Variants in TMX4 observed in about 807,000 individuals in gnomAD.
TMX4 encodes thioredoxin-related transmembrane protein 4.
Under a neutral mutation model 33.3 loss-of-function variants are expected in TMX4, and 23 were observed. The ratio of observed to expected loss-of-function variants is 0.69; its 90% CI spans 0.50 to 0.98. The LOEUF (loss-of-function observed/expected upper bound fraction) is 0.98. TMX4 is among the 50% of genes least tolerant of loss of function. TMX4 has a pLI of 0.00. For missense variants in TMX4, 399 were observed against 448.9 expected (o/e 0.89, Z 1.01); for synonymous variants, 164 against 161.5 (o/e 1.02, Z -0.12).
At chr20:8,018,483 A>G (rs1485274404) in intron 1 of TMX4, among the ~76,000 whole-genome samples, 51 of 10,868 alleles carry the variant, frequency 4.7e-3, no homozygotes, top group East Asian at 0.021. Context: ...AGGGAGGGGG[A>G]GAGAGAGAGA....
intron 1 of TMX4, among the ~76,000 whole-genome samples, chr20:8,012,954 G>T (rs1428639593): frequency 6.6e-6 from 1 of 152,180 alleles, no homozygotes; most frequent in African/African-American, 2.4e-5. Context: ...AGATAAGCCA[G>T]CTCTGAGTCT....
intron 5 of TMX4, among the ~76,000 whole-genome samples, chr20:7,989,432 A>T (rs1253692415): frequency 6.6e-6 from 1 of 152,182 alleles, no homozygotes; most frequent in Non-Finnish European, 1.5e-5. Flanking sequence ...AACTTTCTAA[A>T]TTATTTTTAA....
intron 1 of TMX4, among the ~76,000 whole-genome samples, chr20:8,018,449 G>GGGGAGGGAGGGA (rs1235545161): frequency 1.7e-4 from 3 of 17,470 alleles, no homozygotes; most frequent in African/African-American, 7.9e-4. Flanking sequence ...AGAGAGAGAG[G>GGGGAGGGAGGGA]GGGAGGGAGG....
rs780594470 is a variant in TMX4, at chr20:7,999,834, TAACGGCGGAATATCCCA to T, written c.348_364del (p.Asp116GlufsTer44). On this transcript the variant is annotated frameshift_variant, in exon 4 of 8. Coordinates refer to ENST00000246024, the MANE Select transcript of TMX4 (RefSeq NM_021156.4). LOFTEE classifies it high-confidence loss of function. ...GTCTTCGAAGATTCCTGGGCCACGA[TAACGGCGGAATATCCCA>T]TCCTTTGCACTATAAATTATGAAAA... is the stretch of plus-strand genomic sequence containing the variant. 3 of 1,613,598 alleles carry T rather than the reference TAACGGCGGAATATCCCA, an allele frequency of 1.9e-6. No individual in the cohort carries two copies. Among genetic ancestry groups the T allele is most frequent in the Admixed American group, 1.7e-5 (1 of 59,922 alleles).
intron 1 of TMX4, among the ~76,000 whole-genome samples, chr20:8,016,415 T>G (rs999827234): frequency 2.0e-5 from 3 of 152,150 alleles, no homozygotes; most frequent in African/African-American, 7.2e-5. Flanking sequence ...TTAAAGAAAA[T>G]GTATGTAGCA....
At chr20:8,003,029 G>A (rs1002646158) in intron 2 of TMX4, among the ~76,000 whole-genome samples, 6 of 152,116 alleles carry the variant, frequency 3.9e-5, no homozygotes, top group Admixed American at 1.3e-4. Context: ...ACTTCTAAGC[G>A]CATTTTCATC....
At chr20:7,990,220 G>A (rs371474960) in intron 5 of TMX4, among the ~76,000 whole-genome samples, 5 of 151,920 alleles carry the variant, frequency 3.3e-5, no homozygotes, top group East Asian at 3.9e-4. Context: ...GCTTGAACAC[G>A]GTAGGCGGAG....
chr20:8,013,616 G>A (rs1215874403), intron 1 of TMX4, among the ~76,000 whole-genome samples: 1 of 152,108 alleles, frequency 6.6e-6, no homozygotes, highest in Non-Finnish European at 1.5e-5. Flanking sequence ...TTTTGTTGAT[G>A]GAACGAGGTT....
chr20:7,983,460 A>G (rs2050617784), intron 7 of TMX4, among the ~76,000 whole-genome samples: 1 of 152,302 alleles, frequency 6.6e-6, no homozygotes, highest in African/African-American at 2.4e-5. Flanking sequence ...AAGGACTTAG[A>G]AGAGTTACTA....
chr20:7,989,612 G>C (rs981045582), intron 5 of TMX4, among the ~76,000 whole-genome samples: 1 of 151,908 alleles, frequency 6.6e-6, no homozygotes, highest in Non-Finnish European at 1.5e-5. Flanking sequence ...GGTCTTTTAG[G>C]TCATTATTAG....
At chr20:7,999,297 G>A (rs1555039) in intron 4 of TMX4, among the ~76,000 whole-genome samples, 1,953 of 152,246 alleles carry the variant, frequency 0.013, 49 homozygotes, top group African/African-American at 0.045. Flanking sequence ...GGTATTTTGC[G>A]AGGCAGCCAA....
Position 8,009,950 on chromosome 20 carries a change from C to T in TMX4, c.292+250G>A, listed in dbSNP as rs561153854. The stretch of plus-strand genomic sequence containing the variant: ...ATTGAAGGGTAAATTATCATGATGT[C>T]GATAACTTACTTTCAAATGATTCAG... On this transcript the variant is annotated intron_variant, in intron 2 of 7. Coordinates refer to ENST00000246024, the MANE Select transcript of TMX4 (RefSeq NM_021156.4). 3.8e-4 allele frequency among the ~76,000 whole-genome samples: 57 copies of T among 149,180 alleles called. 1 individual carries two copies. The highest frequency in any genetic ancestry group is 7.0e-4 in the Non-Finnish European group (47 of 67,540).
chr20:7,982,586 C>G lies in TMX4; in HGVS notation c.715G>C (p.Glu239Gln). 1.2e-6 allele frequency: 2 copies of G among 1,613,458 alleles called. No individual in the cohort carries two copies. The highest frequency in any genetic ancestry group is 1.7e-6 in the Non-Finnish European group (2 of 1,179,976). The change falls in exon 8 of 8, where the codon GAA becomes CAA. Residue 239 changes from glutamate (E) to glutamine (Q), a missense_variant. Physicochemically the swap from Glu to Gln is conservative, Grantham distance 29 (BLOSUM62 2). Coordinates refer to ENST00000246024, the MANE Select transcript of TMX4 (RefSeq NM_021156.4). Reference sequence around the variant, plus strand: ...TCCTCCTCCGCATCCTGCAACTGTTCAGCTCTATGAGCCTCCTCTGATCTC... The same window carrying G: ...TCCTCCTCCGCATCCTGCAACTGTTGAGCTCTATGAGCCTCCTCTGATCTC... Reference protein sequence around the residue: ...NRRSEEAHRAEQLQDAEEEKD... With the variant: ...NRRSEEAHRAQQLQDAEEEKD...
chr20:7,984,908 G>T (rs1250562227), intron 6 of TMX4, among the ~76,000 whole-genome samples: 1 of 152,048 alleles, frequency 6.6e-6, no homozygotes, highest in African/African-American at 2.4e-5. Context: ...CCTTCAAGGA[G>T]TCTGGGCCAT....
intron 1 of TMX4, chr20:8,019,218 A>T: frequency 1.9e-6 from 1 of 537,376 alleles, no homozygotes; most frequent in Non-Finnish European, 3.1e-6. Flanking sequence ...CCACAGCCGC[A>T]GGTCGTTGGT....
Position 8,018,528 on chromosome 20 carries a change from G to C in TMX4, c.176+910C>G, listed in dbSNP as rs760502081. On this transcript the variant is annotated intron_variant, in intron 1 of 7. Transcript: ENST00000246024. ...AGAGAGAGAGAGAGAGAGAGAGAGAGTCTGCAAGCCCACCATGATGGTCTC... is the reference window on the plus strand; with the variant it reads ...AGAGAGAGAGAGAGAGAGAGAGAGACTCTGCAAGCCCACCATGATGGTCTC... Among the ~76,000 whole-genome samples the C allele has an allele frequency of 2.1e-4, 9 of 41,984 alleles. 2 individuals carry two copies. The African/African-American group carries it at 2.3e-3, about 11-fold the overall frequency. 27.5% of individuals were successfully genotyped at this position (41,984 alleles called of 152,430 possible).
chr20:7,984,740 T>C (rs375170943), intron 6 of TMX4, among the ~76,000 whole-genome samples: 1 of 152,268 alleles, frequency 6.6e-6, no homozygotes, highest in South Asian at 2.1e-4. Flanking sequence ...ACCATATCCA[T>C]CATCTTAATT....
intron 6 of TMX4, among the ~76,000 whole-genome samples, chr20:7,986,532 CTA>C (rs2050631545): frequency 1.3e-5 from 2 of 151,990 alleles, no homozygotes; most frequent in South Asian, 4.2e-4. Flanking sequence ...TGTTTAGGAA[CTA>C]TGTGTTTAGT....
rs1210430572 is a variant in TMX4 at position 7,985,225 on chromosome 20, C to CTG, written c.616-1370_616-1369dup. Among the ~76,000 whole-genome samples, 12 of 145,158 alleles carry CTG rather than the reference C, an allele frequency of 8.3e-5. No individual in the cohort carries two copies. In the East Asian group the frequency reaches 1.6e-3, roughly 19 times the overall value. On this transcript the variant is annotated intron_variant, in intron 6 of 7. Coordinates refer to ENST00000246024, the MANE Select transcript of TMX4 (RefSeq NM_021156.4). ...ACTTAACAGTTATAGAAAAGGCATT[C>CTG]TGTGTGTGTGTGTATATATATGTGT... is the stretch of plus-strand genomic sequence containing the variant.
Sources: allele counts gnomAD v4.1 joint callset (sites outside exome capture counted in the v4.1 genomes callset), GRCh38; gene constraint gnomAD v4.1.1; transcripts MANE v1.5; gene names NCBI Gene and HGNC (gene_info 2026-07-23, HGNC 2026-07-21).